Variants in FAR1 observed in about 807,000 individuals in gnomAD.
The protein encoded by FAR1 is male sterility domain-containing protein 2.
FAR1 carries 22 observed loss-of-function variants against 61.1 expected under a neutral mutation model. That is an observed-to-expected ratio of 0.36 (90% CI 0.26 to 0.51). The LOEUF is 0.51. Among genes scored for constraint, FAR1 ranks in the 20% least tolerant of loss-of-function variants. FAR1 has a pLI of 0.95. For synonymous variants in FAR1, 206 were observed against 209.7 expected (o/e 0.98, Z 0.15); for missense variants, 359 against 626.9 (o/e 0.57, Z 4.56).
intron 9 of FAR1, among the ~76,000 whole-genome samples, chr11:13,717,229 T>G (rs1456859876): frequency 2.0e-5 from 3 of 151,828 alleles, no homozygotes; most frequent in African/African-American, 7.3e-5. Context: ...CATCTAAATC[T>G]GGTCAATTGG....
chr11:13,723,475 A>G (rs1319829862), intron 10 of FAR1: 3 of 349,364 alleles, frequency 8.6e-6, no homozygotes, highest in Non-Finnish European at 1.7e-5. Context: ...GTGATATGTT[A>G]TTCCTGGCTC....
chr11:13,703,492 A>G (rs1355440620), intron 3 of FAR1, among the ~76,000 whole-genome samples: 3 of 152,226 alleles, frequency 2.0e-5, no homozygotes, highest in Non-Finnish European at 2.9e-5. Flanking sequence ...CATTAAGCCC[A>G]ATACCTTGGG....
chr11:13,686,663 A>G (rs1029320486), intron 1 of FAR1: 1 of 152,186 alleles, frequency 6.6e-6, no homozygotes, highest in Non-Finnish European at 1.5e-5. Flanking sequence ...CCAGCTTTAC[A>G]CTTTTCTGAT....
At chr11:13,714,808 C>G (rs1848538025) in intron 9 of FAR1, 128 bp downstream of exon 9, 2 of 759,792 alleles carry the variant, frequency 2.6e-6, no homozygotes, top group African/African-American at 1.8e-5. Context: ...GAATGAGAAG[C>G]CTCTTGAATT....
intron 2 of FAR1, among the ~76,000 whole-genome samples, chr11:13,698,448 T>C (rs537540208): frequency 1.3e-5 from 2 of 152,216 alleles, no homozygotes; most frequent in Middle Eastern, 3.2e-3. Context: ...TATCTTGATA[T>C]GGGCAACGAC....
At chr11:13,697,698 A>G (rs1220959480) in intron 2 of FAR1, among the ~76,000 whole-genome samples, 3 of 152,290 alleles carry the variant, frequency 2.0e-5, no homozygotes, top group South Asian at 2.1e-4. Flanking sequence ...TGGTAGTGGT[A>G]TAGATAACTG....
At chr11:13,684,681 A>G (rs1382716934) in intron 1 of FAR1, among the ~76,000 whole-genome samples, 1 of 152,154 alleles carries the variant, frequency 6.6e-6, no homozygotes, top group Non-Finnish European at 1.5e-5. Context: ...TAAAGGGCCT[A>G]CCTTATTTAG....
At chr11:13,725,894 T>G (rs1475412752) in intron 10 of FAR1, among the ~76,000 whole-genome samples, 1 of 152,062 alleles carries the variant, frequency 6.6e-6, no homozygotes, top group Non-Finnish European at 1.5e-5. Context: ...GCTTTGTATT[T>G]GTCACTCTGG....
rs534044328 is a variant in FAR1 at position 13,668,733 on chromosome 11, A to ACGGCGGCGG, written c.-69_-61dup. ...TGGAAAAGCGAGTGAAGAGAGCGCG[A>ACGGCGGCGG]CGGCGGCGGCGGCGGCGGCGCAGCT... On this transcript the variant is annotated 5_prime_UTR_variant, in exon 1 of 12. Transcript: ENST00000354817. 57 of 156,926 alleles carry ACGGCGGCGG rather than the reference A, an allele frequency of 3.6e-4. No homozygotes were observed. Among genetic ancestry groups the ACGGCGGCGG allele is most frequent in the East Asian group, 1.5e-3 (8 of 5,320 alleles). 9.7% of individuals were successfully genotyped at this position (156,926 alleles called of 1,614,324 possible).
intron 1 of FAR1, among the ~76,000 whole-genome samples, chr11:13,682,120 A>G (rs572349402): frequency 6.6e-6 from 1 of 152,234 alleles, no homozygotes; most frequent in Non-Finnish European, 1.5e-5. Context: ...ATCCTTTTGC[A>G]TTCAGCCTCT....
At chr11:13,722,847 T>C (rs989029052) in intron 10 of FAR1, among the ~76,000 whole-genome samples, 10 of 141,286 alleles carry the variant, frequency 7.1e-5, no homozygotes, top group East Asian at 6.1e-4. Context: ...TTTCTCCCTC[T>C]CTCTCTCTCT....
Position 13,685,019 on chromosome 11 carries a change from A to G in FAR1, c.-7-9740A>G, listed in dbSNP as rs1252131791. On this transcript the variant is annotated intron_variant, in intron 1 of 11. Transcript: ENST00000354817. ...TTCTAATATTTCAATAAAAGATTCTATCTAGGTAAGATCTCTCTGTGGATC... is the reference window on the plus strand; with the variant it reads ...TTCTAATATTTCAATAAAAGATTCTGTCTAGGTAAGATCTCTCTGTGGATC... 1.9e-4 allele frequency among the ~76,000 whole-genome samples: 29 copies of G among 152,168 alleles called. 1 individual carries two copies. The highest frequency in any genetic ancestry group is 7.4e-5 in the Non-Finnish European group (5 of 68,020).
At chr11:13,713,386 C>CA (rs1848521852) in intron 8 of FAR1, among the ~76,000 whole-genome samples, 1 of 151,942 alleles carries the variant, frequency 6.6e-6, no homozygotes, top group Non-Finnish European at 1.5e-5. Flanking sequence ...TATCCATAGG[C>CA]AGTATCACTT....
intron 5 of FAR1, 96 bp from the exon 6 acceptor site, chr11:13,711,668 A>G: frequency 5.4e-6 from 5 of 918,408 alleles, no homozygotes; most frequent in Non-Finnish European, 8.7e-6. Context: ...GAAGACAGCT[A>G]CCAAGTATAT....
chr11:13,713,853 G>A (rs765893005), intron 8 of FAR1, among the ~76,000 whole-genome samples: 6 of 151,954 alleles, frequency 3.9e-5, no homozygotes, highest in Non-Finnish European at 7.4e-5. Flanking sequence ...ATTATTTTCA[G>A]TATTCTTTTA....
Position 13,728,593 on chromosome 11 carries a change from CT to C in FAR1, c.1386-18del. 1 of 1,605,112 alleles carries C rather than the reference CT, an allele frequency of 6.2e-7. No individual in the cohort carries two copies. Among genetic ancestry groups the C allele is most frequent in the Non-Finnish European group, 8.5e-7 (1 of 1,173,356 alleles). ...TTCTAGAAAATACTGTCTAACATAT[CT>C]CTTGATTTGCTTTCCAGGTTGCGGA... On this transcript the variant is annotated intron_variant, in intron 11 of 11. Transcript: ENST00000354817.
At chr11:13,719,691 T>G (rs1346228253) in intron 9 of FAR1, among the ~76,000 whole-genome samples, 1 of 152,182 alleles carries the variant, frequency 6.6e-6, no homozygotes, top group Non-Finnish European at 1.5e-5. Context: ...TGACAACATT[T>G]GCAGGTATTT....
At chr11:13,712,389 A>G (rs1049943703) in intron 7 of FAR1, among the ~76,000 whole-genome samples, 2 of 152,138 alleles carry the variant, frequency 1.3e-5, no homozygotes, top group African/African-American at 2.4e-5. Context: ...TATGGTTTAC[A>G]TATATTAAAC....
chr11:13,703,090 G>T (rs987346025), intron 3 of FAR1, among the ~76,000 whole-genome samples: 3 of 152,220 alleles, frequency 2.0e-5, no homozygotes, highest in African/African-American at 7.2e-5. Flanking sequence ...TCCAAGTGGT[G>T]ATAGGACATT....
Sources: gnomAD v4.1 joint callset for allele counts (sites outside exome capture counted in the v4.1 genomes callset) on GRCh38, gnomAD v4.1.1 for gene constraint, MANE v1.5 for transcripts, NCBI Gene and HGNC (gene_info 2026-07-23, HGNC 2026-07-21) for gene names.